EYS: variants seen among roughly 807,000 people sequenced by gnomAD.
EYS encodes the protein protein eyes shut homolog.
A neutral mutation model predicts 282.1 loss-of-function variants in EYS; 250 were observed. The observed-to-expected ratio is 0.89, with a 90% CI of 0.80 to 0.98. The LOEUF (loss-of-function observed/expected upper bound fraction) is 0.98, where lower values mean the gene tolerates loss of function less well. EYS is among the 50% of genes least tolerant of loss of function. The probability of loss-of-function intolerance (pLI) is 0.00; values close to 1 mark genes in which losing one functional copy is unlikely to be tolerated. For synonymous variants in EYS, 1,355 were observed against 1,282.9 expected, an observed-to-expected ratio of 1.06 and a Z score of -1.20; for missense variants, 4,016 against 3,709.0, an observed-to-expected ratio of 1.08 and a Z score of -2.15.
chr6:64,345,027 C>T (rs938937658), intron 29 of EYS, among the ~76,000 whole-genome samples: 3 of 152,032 alleles, frequency 2.0e-5, no homozygotes, highest in African/African-American at 7.2e-5. Context: ...GAACTACAAA[C>T]CGCTGCTCAA....
At chr6:64,481,193 T>A (rs1776426733) in intron 26 of EYS, among the ~76,000 whole-genome samples, 1 of 149,814 alleles carries the variant, frequency 6.7e-6, no homozygotes, top group African/African-American at 2.4e-5. Context: ...AGCCAAAAAA[T>A]CATATATATG....
At chr6:65,564,669 C>A (rs993936871) in intron 2 of EYS, among the ~76,000 whole-genome samples, 35 of 152,148 alleles carry the variant, frequency 2.3e-4, no homozygotes, top group African/African-American at 8.0e-4. Context: ...ACCATAAAAA[C>A]CCTAGAAGAA....
chr6:64,188,685 T>C (rs1431256350), intron 31 of EYS, among the ~76,000 whole-genome samples: 7 of 152,146 alleles, frequency 4.6e-5, no homozygotes, highest in Admixed American at 3.3e-4. Flanking sequence ...TAAAGAAACC[T>C]GTCTTATTGA....
chr6:63,745,275 G>T (rs1173703447), intron 41 of EYS, among the ~76,000 whole-genome samples: 2 of 152,126 alleles, frequency 1.3e-5, no homozygotes, highest in African/African-American at 4.8e-5. Context: ...GGGTGAATTA[G>T]AAATAAATCA....
intron 36 of EYS, among the ~76,000 whole-genome samples, chr6:63,848,774 A>T (rs977459159): frequency 6.6e-6 from 1 of 152,052 alleles, no homozygotes; most frequent in Non-Finnish European, 1.5e-5. Context: ...GCAGACACTG[A>T]TCTAGATGCA....
chr6:63,902,099 G>T (rs1379157990), intron 35 of EYS, among the ~76,000 whole-genome samples: 1 of 151,988 alleles, frequency 6.6e-6, no homozygotes, highest in Non-Finnish European at 1.5e-5. Flanking sequence ...TCACCAGGTT[G>T]GCCAGGCTGG....
chr6:64,291,104 G>A (rs1432255022), intron 30 of EYS, among the ~76,000 whole-genome samples: 1 of 150,860 alleles, frequency 6.6e-6, no homozygotes, highest in African/African-American at 2.4e-5. Flanking sequence ...CTTTTATTCT[G>A]AAGGCCATAA....
At chr6:65,026,639 C>T (rs1051293075) in intron 13 of EYS, among the ~76,000 whole-genome samples, 8 of 152,072 alleles carry the variant, frequency 5.3e-5, no homozygotes, top group African/African-American at 1.7e-4. Context: ...AGATATTGGC[C>T]GGGCATGGTG....
intron 12 of EYS, among the ~76,000 whole-genome samples, chr6:65,161,769 A>T (rs894836049): frequency 1.3e-5 from 2 of 151,212 alleles, no homozygotes; most frequent in African/African-American, 4.8e-5. Flanking sequence ...GTGAAGCAAT[A>T]TGTAGTAACA....
chr6:64,095,248 G>A (rs1377586563), intron 31 of EYS, among the ~76,000 whole-genome samples: 1 of 152,186 alleles, frequency 6.6e-6, no homozygotes, highest in Non-Finnish European at 1.5e-5. Context: ...GGGGTGGAGA[G>A]TTCTGTAGAT....
At chr6:65,213,031 A>T (rs1475655114) in intron 12 of EYS, among the ~76,000 whole-genome samples, 1 of 150,810 alleles carries the variant, frequency 6.6e-6, no homozygotes, top group East Asian at 1.9e-4. Context: ...GTTTTTCTTT[A>T]TTTTTTTTTC....
intron 8 of EYS, among the ~76,000 whole-genome samples, chr6:65,383,832 G>A (rs12661464): frequency 0.1 from 15,395 of 151,528 alleles, 1,115 homozygotes; most frequent in South Asian, 0.23. Context: ...GAATTTGTCC[G>A]TTCTCTTATT....
intron 15 of EYS, among the ~76,000 whole-genome samples, chr6:64,945,334 T>G (rs1241386587): frequency 6.6e-6 from 1 of 151,994 alleles, no homozygotes; most frequent in African/African-American, 2.4e-5. Context: ...ACAATTGAAT[T>G]ATGGAATATG....
chr6:65,118,876 AG>A (rs143586459), intron 12 of EYS, among the ~76,000 whole-genome samples: 33,908 of 149,786 alleles, frequency 0.23, 4,378 homozygotes, highest in African/African-American at 0.34. Flanking sequence ...AGGTTCTTTA[AG>A]GAAAAAAAAA....
intron 41 of EYS, among the ~76,000 whole-genome samples, chr6:63,752,874 G>T (rs1177824093): frequency 6.6e-6 from 1 of 151,780 alleles, no homozygotes; most frequent in Non-Finnish European, 1.5e-5. Context: ...CTCTGTTTTT[G>T]GTGTGATGGC....
intron 35 of EYS, among the ~76,000 whole-genome samples, chr6:63,952,462 A>G (rs939842445): frequency 6.6e-6 from 1 of 152,076 alleles, no homozygotes; most frequent in African/African-American, 2.4e-5. Flanking sequence ...TATGGAGGCT[A>G]CCAACTCCAC....
At chr6:64,177,254 TTTTC>T (rs573729199) in intron 31 of EYS, among the ~76,000 whole-genome samples, 17 of 151,788 alleles carry the variant, frequency 1.1e-4, no homozygotes, top group Middle Eastern at 3.6e-3. Context: ...TTTCTCCTTA[TTTTC>T]TTTCTGTGTT....
At chr6:63,901,329 T>C (rs952880178) in intron 35 of EYS, among the ~76,000 whole-genome samples, 6 of 151,986 alleles carry the variant, frequency 3.9e-5, no homozygotes, top group Non-Finnish European at 8.8e-5. Context: ...TTATCTAAAC[T>C]GAAGAATAGA....
chr6:64,962,531 A>G (rs906212012), intron 14 of EYS, among the ~76,000 whole-genome samples: 2 of 151,766 alleles, frequency 1.3e-5, no homozygotes, highest in Non-Finnish European at 2.9e-5. Flanking sequence ...GCAGTCCGAG[A>G]CCAGTCTGGG....
Sources: allele counts gnomAD v4.1 joint callset (sites outside exome capture counted in the v4.1 genomes callset), GRCh38; gene constraint gnomAD v4.1.1; transcripts MANE v1.5; gene names NCBI Gene and HGNC (gene_info 2026-07-23, HGNC 2026-07-21).